Variants in DOCK8 observed in about 807,000 individuals in gnomAD.
DOCK8 encodes the protein dedicator of cytokinesis protein 8.
In DOCK8, 141 loss-of-function variants were observed where a neutral mutation model predicts 245.6. That is an observed-to-expected ratio of 0.57 (90% CI 0.50 to 0.66). The LOEUF (loss-of-function observed/expected upper bound fraction) is 0.66. Among genes scored for constraint, DOCK8 ranks in the 30% least tolerant of loss-of-function variants. DOCK8 has a pLI of 0.00. For missense variants in DOCK8, 2,965 were observed against 2,603.4 expected, an observed-to-expected ratio of 1.14 and a Z score of -3.02; for synonymous variants, 1,168 against 970.2, an observed-to-expected ratio of 1.20 and a Z score of -3.79.
intron 4 of DOCK8, among the ~76,000 whole-genome samples, chr9:298,092 T>A (rs1306407546): frequency 6.6e-6 from 1 of 152,056 alleles, no homozygotes; most frequent in East Asian, 1.9e-4. Context: ...GCCAAATAAA[T>A]TTGATGGTCT....
intron 30 of DOCK8, among the ~76,000 whole-genome samples, chr9:419,160 G>A (rs981935928): frequency 1.3e-5 from 2 of 152,198 alleles, no homozygotes; most frequent in African/African-American, 4.8e-5. Context: ...TCAATGTAGG[G>A]TATAGATGTG....
At chr9:318,125 G>A (rs2050426480) in intron 7 of DOCK8, among the ~76,000 whole-genome samples, 1 of 152,134 alleles carries the variant, frequency 6.6e-6, no homozygotes, top group Non-Finnish European at 1.5e-5. Flanking sequence ...GCAATAGATT[G>A]TCTTGTGTAC....
intron 9 of DOCK8, among the ~76,000 whole-genome samples, chr9:330,744 T>G (rs2050972732): frequency 6.6e-6 from 1 of 152,222 alleles, no homozygotes; most frequent in South Asian, 2.1e-4. Context: ...AGTTTTAGGT[T>G]AATCTGATAG....
At chr9:368,854 T>A (rs1198470428) in intron 15 of DOCK8, 1 of 142,560 alleles carries the variant, frequency 7.0e-6, no homozygotes, top group Non-Finnish European at 1.5e-5. Flanking sequence ...AGAGTTTCAC[T>A]CTTTTTGCCC....
chr9:446,406 G>C lies in DOCK8; in HGVS notation c.5617G>C (p.Asp1873His). 9 of 1,614,210 alleles carry C rather than the reference G, an allele frequency of 5.6e-6. No individual in the cohort carries two copies. Among genetic ancestry groups the C allele is most frequent in the Non-Finnish European group, 7.6e-6 (9 of 1,180,046 alleles). The part of the protein sequence containing the change: ...IQITFVEPYF[D>H]EYEMKDRVTY... ...GATCACTTTTGTGGAGCCCTACTTT[G>C]ATGAGTATGAGATGAAAGACAGGGT... The change falls in exon 44 of 48, where the codon GAT becomes CAT. Residue 1873 changes from aspartate to histidine, a missense_variant. Asp to His is a moderately conservative substitution (Grantham distance 81). Transcript: ENST00000432829.
In DOCK8 at chr9:446,497, G is replaced by T; in HGVS notation, c.5708G>T (p.Gly1903Val). The T allele has an allele frequency of 1.9e-6, 3 of 1,614,192 alleles. No homozygotes were observed. The Admixed American group carries it at 5.0e-5, about 27-fold the overall frequency. Residue 1903 changes from glycine to valine, a missense_variant, in exon 44 of 48, where the codon GGG becomes GTG. Gly to Val is a moderately radical substitution (Grantham distance 109). Coordinates refer to ENST00000432829, the MANE Select transcript of DOCK8 (RefSeq NM_203447.4). ...TACACCACCCCGTTCACCCTGGAGG[G>T]GCGGCCTCGGGGAGAGCTGCATGAG... ...FMYTTPFTLE[G>V]RPRGELHEQY...
chr9:334,659 C>T (rs1009559979), intron 11 of DOCK8, among the ~76,000 whole-genome samples: 1 of 151,990 alleles, frequency 6.6e-6, no homozygotes, highest in Non-Finnish European at 1.5e-5. Flanking sequence ...TTTTGCTAGC[C>T]ACCCGCTCTC....
intron 39 of DOCK8, among the ~76,000 whole-genome samples, chr9:436,141 GA>G (rs1255878437): frequency 6.6e-6 from 1 of 152,218 alleles, no homozygotes; most frequent in African/African-American, 2.4e-5. Flanking sequence ...TGGTTTTCCA[GA>G]ACACAGCAAA....
chr9:420,384 A>G lies in DOCK8; in HGVS notation c.3841-17A>G, dbSNP rs375699501. 6 of 1,613,892 alleles carry G rather than the reference A, an allele frequency of 3.7e-6. No individual in the cohort carries two copies. The highest frequency in any genetic ancestry group is 5.1e-6 in the Non-Finnish European group (6 of 1,180,024). On this transcript the variant is annotated splice_polypyrimidine_tract_variant and intron_variant, in intron 30 of 47. Transcript: ENST00000432829. ...ACTTCTTCCCTGGCCTCCATCCCCC[A>G]ATCTGCCTCCCTTCAGCCCTATAAG...
At chr9:432,476 G>A (rs2056754469) in intron 37 of DOCK8, 152 bp downstream of exon 37, 1 of 750,560 alleles carries the variant, frequency 1.3e-6, no homozygotes, top group Non-Finnish European at 2.1e-6. Flanking sequence ...TCAGCACTCT[G>A]AGAGGTTTTA....
intron 9 of DOCK8, among the ~76,000 whole-genome samples, chr9:332,060 A>G (rs931260204): frequency 6.6e-6 from 1 of 152,164 alleles, no homozygotes; most frequent in Non-Finnish European, 1.5e-5. Flanking sequence ...TGTTTTTATT[A>G]TATACATAAT....
At chr9:302,286 G>A (rs959918961) in intron 4 of DOCK8, among the ~76,000 whole-genome samples, 1 of 152,162 alleles carries the variant, frequency 6.6e-6, no homozygotes, top group South Asian at 2.1e-4. Flanking sequence ...TGGAGCAACT[G>A]GCTAGTCATA....
chr9:242,297 A>G (rs963657566), intron 1 of DOCK8, among the ~76,000 whole-genome samples: 3 of 152,072 alleles, frequency 2.0e-5, no homozygotes, highest in Non-Finnish European at 2.9e-5. Flanking sequence ...AATGATAAAC[A>G]CTTGACTGTG....
intron 38 of DOCK8, among the ~76,000 whole-genome samples, chr9:434,221 C>T (rs138125916): frequency 6.8e-4 from 104 of 152,154 alleles, no homozygotes; most frequent in African/African-American, 2.3e-3. Context: ...AATATAATAA[C>T]ACTATCTTCT....
intron 38 of DOCK8, among the ~76,000 whole-genome samples, chr9:434,187 T>G (rs753078130): frequency 1.3e-5 from 2 of 152,138 alleles, no homozygotes; most frequent in Non-Finnish European, 2.9e-5. Context: ...CATAATAATG[T>G]TATTAAATAT....
chr9:441,872 C>G lies in DOCK8; in HGVS notation c.5356-3C>G. 1 of 1,614,126 alleles carries G rather than the reference C, an allele frequency of 6.2e-7. No individual in the cohort carries two copies. The highest frequency in any genetic ancestry group is 8.5e-7 in the Non-Finnish European group (1 of 1,180,022). Reference sequence around the variant, plus strand: ...GGAGAGCTTTTTATATTTTGTTCCTCAGGATCATAAGAGAATGTTTGGAAC... The same window carrying G: ...GGAGAGCTTTTTATATTTTGTTCCTGAGGATCATAAGAGAATGTTTGGAAC... On this transcript the variant is annotated splice_polypyrimidine_tract_variant and splice_region_variant and intron_variant, in intron 41 of 47. Transcript: ENST00000432829.
upstream of DOCK8, chr9:214,741 C>G (rs200440314): frequency 6.6e-7 from 1 of 1,520,844 alleles, no homozygotes. Context: ...ACGCCCTCCT[C>G]GCCCGCCGCT....
chr9:302,060 G>C (rs1370753075), intron 4 of DOCK8, among the ~76,000 whole-genome samples: 1 of 151,360 alleles, frequency 6.6e-6, no homozygotes, highest in Non-Finnish European at 1.5e-5. Context: ...TAAGCAAAAA[G>C]AACAAAGCCG....
In DOCK8 at chr9:428,752, C is replaced by T. The variant is rs2056595140; in HGVS notation, c.4473+256C>T. Among the ~76,000 whole-genome samples the T allele has an allele frequency of 2.0e-5, 3 of 152,132 alleles. No homozygotes were observed. In the South Asian group the frequency reaches 6.2e-4, roughly 32 times the overall value. On this transcript the variant is annotated intron_variant, in intron 35 of 47. Coordinates refer to ENST00000432829, the MANE Select transcript of DOCK8 (RefSeq NM_203447.4). ...TTTAAAATGGCCATTCGCTGAAGGT[C>T]TATGACATGAGAACAGAGATCAACT...
Sources: allele counts gnomAD v4.1 joint callset (sites outside exome capture counted in the v4.1 genomes callset), GRCh38; gene constraint gnomAD v4.1.1; transcripts MANE v1.5; gene names NCBI Gene and HGNC (gene_info 2026-07-23, HGNC 2026-07-21).